Variants in SHISA9 observed in about 807,000 individuals in gnomAD.
SHISA9 encodes the protein protein shisa-9.
SHISA9 carries 13 observed loss-of-function variants against 38.0 expected under a neutral mutation model. That is an observed-to-expected ratio of 0.34 (90% CI 0.22 to 0.54). The LOEUF (loss-of-function observed/expected upper bound fraction) is 0.54, where lower values mean the gene tolerates loss of function less well. SHISA9 is among the 20% of genes least tolerant of loss of function. The pLI, the probability that SHISA9 is intolerant of heterozygous loss-of-function variation, is 0.91. For synonymous variants in SHISA9, 275 were observed against 242.0 expected, an observed-to-expected ratio of 1.14 and a Z score of -1.27; for missense variants, 538 against 575.8, an observed-to-expected ratio of 0.93 and a Z score of 0.67.
At chr16:13,381,932 T>G in the SHISA9 span, among the ~76,000 whole-genome samples, 2 of 152,056 alleles carry the variant, frequency 1.3e-5, no homozygotes, top group Non-Finnish European at 2.9e-5. Flanking sequence ...ATGAAGAGAG[T>G]GTTCCCAGAC....
At chr16:13,468,433 A>G in the SHISA9 span, among the ~76,000 whole-genome samples, 1 of 152,332 alleles carries the variant, frequency 6.6e-6, no homozygotes, top group South Asian at 2.1e-4. Flanking sequence ...ATAACCACAG[A>G]TATAAATGTG....
the SHISA9 span, among the ~76,000 whole-genome samples, chr16:13,378,568 C>G: frequency 6.6e-6 from 1 of 152,170 alleles, no homozygotes. Context: ...TCTCCTGAAT[C>G]ATATAGAGAA....
chr16:13,458,867 G>GT, the SHISA9 span, among the ~76,000 whole-genome samples: 3 of 150,922 alleles, frequency 2.0e-5, no homozygotes, highest in Non-Finnish European at 4.4e-5. Flanking sequence ...TTTGTTTTTT[G>GT]TTTTTTGTTT....
At chr16:13,349,166 C>A in the SHISA9 span, among the ~76,000 whole-genome samples, 1 of 152,182 alleles carries the variant, frequency 6.6e-6, no homozygotes, top group Non-Finnish European at 1.5e-5. Context: ...CAAATATCAA[C>A]TCCCTTTGTT....
chr16:12,980,363 T>TATA (rs1437501947), intron 2 of SHISA9, among the ~76,000 whole-genome samples: 1 of 152,220 alleles, frequency 6.6e-6, no homozygotes. Context: ...CTTAATTGGA[T>TATA]ATAATATGTT....
At chr16:13,232,267 A>T (rs1195717857) in intron 4 of SHISA9, among the ~76,000 whole-genome samples, 1 of 152,224 alleles carries the variant, frequency 6.6e-6, no homozygotes, top group Non-Finnish European at 1.5e-5. Context: ...AAAAGTGTAG[A>T]TAATCTTATA....
At chr16:13,029,379 A>G (rs8048920) in intron 2 of SHISA9, among the ~76,000 whole-genome samples, 118,291 of 152,240 alleles carry the variant, frequency 0.78, 46,445 homozygotes, top group African/African-American at 0.89. Flanking sequence ...GCCAAGGCAG[A>G]TGGATCACTT....
Position 12,967,996 on chromosome 16 carries a change from C to T in SHISA9, c.691+51181C>T, listed in dbSNP as rs377414164. Among the ~76,000 whole-genome samples the T allele has an allele frequency of 3.3e-5, 5 of 151,884 alleles. No homozygotes were observed. In the East Asian group the frequency reaches 5.8e-4, roughly 18 times the overall value. ...CCTTAGGTCAGGAGTTCAAGACCAG[C>T]CTGGCCAACATGGTGAAACCTCATC... On this transcript the variant is annotated intron_variant, in intron 2 of 4. Coordinates refer to ENST00000558583, the MANE Select transcript of SHISA9 (RefSeq NM_001145204.3).
chr16:13,433,987 C>T, the SHISA9 span, among the ~76,000 whole-genome samples: 1 of 152,212 alleles, frequency 6.6e-6, no homozygotes, highest in African/African-American at 2.4e-5. Context: ...AGGTGAGGTC[C>T]CATAATAAGC....
At chr16:12,953,877 T>C (rs56282046) in intron 2 of SHISA9, among the ~76,000 whole-genome samples, 29,386 of 151,852 alleles carry the variant, frequency 0.19, 3,515 homozygotes, top group Middle Eastern at 0.36. Flanking sequence ...AGAGAAAGAG[T>C]GAGCTAGGAA....
rs74396065 is a variant in SHISA9, at chr16:12,930,841, A to G, written c.691+14026A>G. ...TTAAAACACAGAGAGAGGAAGTGAT[A>G]GGTACAAAGGGAAAAAAACCCATAA... is the stretch of plus-strand genomic sequence containing the variant. On this transcript the variant is annotated intron_variant, in intron 2 of 4. Transcript: ENST00000558583. 3.0e-3 allele frequency among the ~76,000 whole-genome samples: 458 copies of G among 152,302 alleles called. 2 individuals carry two copies. The highest frequency in any genetic ancestry group is 0.01 in the African/African-American group (433 of 41,566).
rs200300315 is a variant in SHISA9 at position 13,117,843 on chromosome 16, G to GC, written c.692-85551_692-85550insC. Among the ~76,000 whole-genome samples the GC allele has an allele frequency of 6.1e-3, 929 of 152,192 alleles. 7 individuals are homozygous for GC. The highest frequency in any genetic ancestry group is 6.3e-3 in the Non-Finnish European group (428 of 68,004). The stretch of plus-strand genomic sequence containing the variant: ...ATCAGTTTCTGTATTCTGGCTCTGC[G>GC]GGAGCCTTTTGCATATTATAGGTGC... On this transcript the variant is annotated intron_variant, in intron 2 of 4. Transcript: ENST00000558583.
chr16:13,160,697 C>T (rs148078963), intron 2 of SHISA9, among the ~76,000 whole-genome samples: 10 of 152,274 alleles, frequency 6.6e-5, no homozygotes, highest in Admixed American at 1.3e-4. Flanking sequence ...TTAACACCCC[C>T]CAGGGGCTTA....
At chr16:13,133,892 C>T (rs927666710) in intron 2 of SHISA9, among the ~76,000 whole-genome samples, 1 of 152,110 alleles carries the variant, frequency 6.6e-6, no homozygotes, top group African/African-American at 2.4e-5. Context: ...ATTTTATCAT[C>T]GACATTGTTT....
At chr16:13,193,909 G>A (rs1357351170) in intron 2 of SHISA9, among the ~76,000 whole-genome samples, 1 of 152,104 alleles carries the variant, frequency 6.6e-6, no homozygotes, top group Non-Finnish European at 1.5e-5. Context: ...GCTGCCCTGT[G>A]ACAGCTCAGA....
chr16:13,464,209 G>T, the SHISA9 span, among the ~76,000 whole-genome samples: 2 of 152,208 alleles, frequency 1.3e-5, no homozygotes, highest in Non-Finnish European at 2.9e-5. Context: ...GTGCTACCTA[G>T]CACTTAGGGT....
the SHISA9 span, among the ~76,000 whole-genome samples, chr16:13,431,374 G>A: frequency 2.0e-5 from 3 of 152,190 alleles, no homozygotes; most frequent in African/African-American, 7.2e-5. Context: ...TTCTATTGAA[G>A]TTCATTACCT....
chr16:13,383,464 G>C, the SHISA9 span, among the ~76,000 whole-genome samples: 2 of 152,178 alleles, frequency 1.3e-5, no homozygotes, highest in Non-Finnish European at 2.9e-5. Context: ...GAAAGGTAGA[G>C]ACAGAGAAAG....
At chr16:12,934,694 G>A (rs988320379) in intron 2 of SHISA9, among the ~76,000 whole-genome samples, 2 of 152,126 alleles carry the variant, frequency 1.3e-5, no homozygotes, top group African/African-American at 4.8e-5. Context: ...AAAGTTATCA[G>A]CCAAGCCCCT....
Sources: allele counts gnomAD v4.1 joint callset (sites outside exome capture counted in the v4.1 genomes callset), GRCh38; gene constraint gnomAD v4.1.1; transcripts MANE v1.5; gene names NCBI Gene and HGNC (gene_info 2026-07-23, HGNC 2026-07-21).